Variants in ZMYM2 observed in about 807,000 individuals in gnomAD.
ZMYM2 encodes zinc finger MYM-type containing 2.
A neutral mutation model predicts 162.8 loss-of-function variants in ZMYM2; 56 were observed. The observed-to-expected ratio is 0.34, with a 90% CI of 0.28 to 0.43. ZMYM2 has a LOEUF of 0.43. Among genes scored for constraint, ZMYM2 ranks in the 20% least tolerant of loss-of-function variants. The pLI is 1.00. For missense variants in ZMYM2, 1,275 were observed against 1,621.8 expected, an observed-to-expected ratio of 0.79 and a Z score of 3.67; for synonymous variants, 510 against 541.6, an observed-to-expected ratio of 0.94 and a Z score of 0.81.
the ZMYM2 span, among the ~76,000 whole-genome samples, chr13:19,867,846 G>A: frequency 2.6e-5 from 4 of 152,294 alleles, no homozygotes; most frequent in Admixed American, 6.5e-5. Context: ...GGCTGGTCTC[G>A]AACTCCTGAC....
At position 20,083,024 on chromosome 13, in the gene ZMYM2, A is replaced by G. The variant is rs758102501; in HGVS notation, c.3812A>G (p.Asp1271Gly). 1.8e-5 allele frequency: 29 copies of G among 1,610,000 alleles called. 1 individual carries two copies. The South Asian group carries it at 2.9e-4, about 16-fold the overall frequency. ...RYQVSSLCGTDNEDKITTGKR... is the reference protein window; with the variant it reads ...RYQVSSLCGTGNEDKITTGKR... ...CAAGTGTCTTCCTTGTGTGGAACAG[A>G]TAATGAAGGTAGTGTAACAGATTTC... The change falls in exon 23 of 25, where the codon GAT (aspartate) becomes GGT (glycine). Residue 1271 changes from aspartate (D) to glycine (G), a missense_variant. Physicochemically the swap from Asp to Gly is moderately conservative, Grantham distance 94. This residue lies in a region of ZMYM2 where 103 missense variants were observed against 192.2 expected (regional missense o/e 0.54). Coordinates refer to ENST00000610343, the MANE Select transcript of ZMYM2 (RefSeq NM_197968.4).
chr13:19,934,735 C>T, the ZMYM2 span, among the ~76,000 whole-genome samples: 1 of 150,144 alleles, frequency 6.7e-6, no homozygotes, highest in Non-Finnish European at 1.5e-5. Context: ...TTTGAATACT[C>T]CTTCAAAGAG....
At chr13:20,046,631 GTATATATATGTGTACA>G (rs1159895792) in intron 12 of ZMYM2, among the ~76,000 whole-genome samples, 1 of 144,558 alleles carries the variant, frequency 6.9e-6, no homozygotes, top group Non-Finnish European at 1.5e-5. Flanking sequence ...ATATATATGT[GTATATATATGTGTACA>G]TATGTATATG....
At chr13:20,080,893 A>G (rs1252889140) in intron 21 of ZMYM2, among the ~76,000 whole-genome samples, 1 of 152,234 alleles carries the variant, frequency 6.6e-6, no homozygotes, top group African/African-American at 2.4e-5. Flanking sequence ...TGTCATGCAG[A>G]CATTCAACTA....
the ZMYM2 span, among the ~76,000 whole-genome samples, chr13:19,929,370 C>A: frequency 6.6e-6 from 1 of 152,044 alleles, no homozygotes; most frequent in Non-Finnish European, 1.5e-5. Context: ...TCCCGAGTAG[C>A]TGGGACTACA....
At chr13:19,900,156 C>T in the ZMYM2 span, among the ~76,000 whole-genome samples, 3 of 151,634 alleles carry the variant, frequency 2.0e-5, no homozygotes, top group African/African-American at 7.3e-5. Context: ...CAAAAATTAG[C>T]CGGGTGTGGT....
chr13:19,910,962 G>A, the ZMYM2 span, among the ~76,000 whole-genome samples: 3 of 151,710 alleles, frequency 2.0e-5, no homozygotes, highest in Middle Eastern at 3.4e-3. Flanking sequence ...GTCTGTAGAC[G>A]CAGAAAAGCT....
chr13:19,899,816 C>CAAAAAAAAAAAAAAAA, the ZMYM2 span, among the ~76,000 whole-genome samples: 2 of 64,992 alleles, frequency 3.1e-5, no homozygotes, highest in Non-Finnish European at 2.7e-5. Context: ...GACTCTGACT[C>CAAAAAAAAAAAAAAAA]AAAAAAAAAA....
At chr13:19,910,408 C>T in the ZMYM2 span, among the ~76,000 whole-genome samples, 13 of 151,936 alleles carry the variant, frequency 8.6e-5, no homozygotes, top group Admixed American at 4.6e-4. Flanking sequence ...AGACCTATCT[C>T]GGTTTACTGA....
At chr13:20,056,706 C>T (rs1955821732) in intron 14 of ZMYM2, among the ~76,000 whole-genome samples, 1 of 150,410 alleles carries the variant, frequency 6.6e-6, no homozygotes. Context: ...ATGTTAAAAA[C>T]ATAATGTGCA....
intron 9 of ZMYM2, among the ~76,000 whole-genome samples, chr13:20,030,863 G>C (rs1953065834): frequency 6.6e-6 from 1 of 152,164 alleles, no homozygotes; most frequent in African/African-American, 2.4e-5. Context: ...GGTAGACTTG[G>C]AATGAAAATT....
the ZMYM2 span, among the ~76,000 whole-genome samples, chr13:19,909,431 G>A: frequency 7.9e-3 from 758 of 96,204 alleles, 6 homozygotes; most frequent in African/African-American, 0.025. Context: ...TGCCTTTTTC[G>A]TTTTTTTTTT....
At chr13:19,949,485 C>G in the ZMYM2 span, among the ~76,000 whole-genome samples, 1 of 151,942 alleles carries the variant, frequency 6.6e-6, no homozygotes, top group Non-Finnish European at 1.5e-5. Flanking sequence ...TCCTAGCAGT[C>G]GGGAAGCTGA....
At chr13:19,899,822 A>C in the ZMYM2 span, among the ~76,000 whole-genome samples, 1 of 148,994 alleles carries the variant, frequency 6.7e-6, no homozygotes, top group Non-Finnish European at 1.5e-5. Flanking sequence ...GACTCAAAAA[A>C]AAAAAAAAAA....
intron 2 of ZMYM2, among the ~76,000 whole-genome samples, chr13:19,991,604 AT>A (rs1339127725): frequency 1.4e-5 from 2 of 145,144 alleles, no homozygotes; most frequent in Non-Finnish European, 3.0e-5. Flanking sequence ...GTAAGCCAGA[AT>A]TTCTTTTCTT....
chr13:20,015,357 CTT>C (rs766968719), intron 6 of ZMYM2, among the ~76,000 whole-genome samples: 13 of 152,220 alleles, frequency 8.5e-5, no homozygotes, highest in Middle Eastern at 3.4e-3. Flanking sequence ...TTTATTGAGA[CTT>C]TTTTGTGGCC....
the ZMYM2 span, among the ~76,000 whole-genome samples, chr13:19,909,543 C>T: frequency 2.0e-5 from 3 of 151,738 alleles, no homozygotes; most frequent in African/African-American, 7.3e-5. Context: ...AGCGATTCTC[C>T]CGCCTCAGCC....
the ZMYM2 span, among the ~76,000 whole-genome samples, chr13:19,910,530 C>T: frequency 7.3e-3 from 1,068 of 146,030 alleles, 13 homozygotes; most frequent in African/African-American, 0.026. Flanking sequence ...CTTTCTCTCT[C>T]TCTCTTTTTT....
At chr13:19,884,393 G>C in the ZMYM2 span, among the ~76,000 whole-genome samples, 1 of 151,940 alleles carries the variant, frequency 6.6e-6, no homozygotes, top group African/African-American at 2.4e-5. Context: ...GGCTAACACA[G>C]TATAACCCCC....
Sources: allele counts gnomAD v4.1 joint callset (sites outside exome capture counted in the v4.1 genomes callset), GRCh38; gene constraint gnomAD v4.1.1; regional missense constraint gnomAD v4.1.1; transcripts MANE v1.5; gene names NCBI Gene and HGNC (gene_info 2026-07-23, HGNC 2026-07-21).